XXYLT1: variants seen among roughly 807,000 people sequenced by gnomAD.
The protein encoded by XXYLT1 is UDP-xylose:alpha-xyloside alpha-1,3-xylosyltransferase.
A neutral mutation model predicts 28.9 loss-of-function variants in XXYLT1; 20 were observed. The observed-to-expected ratio is 0.69, with a 90% CI of 0.49 to 1.00. XXYLT1 has a LOEUF of 1.00. XXYLT1 is among the 50% of genes least tolerant of loss of function. The pLI is 0.00. For missense variants in XXYLT1, 542 were observed against 560.1 expected, an observed-to-expected ratio of 0.97 and a Z score of 0.33; for synonymous variants, 257 against 253.8, an observed-to-expected ratio of 1.01 and a Z score of -0.12.
chr3:195,143,231 T>C (rs1228531300), intron 3 of XXYLT1, among the ~76,000 whole-genome samples: 1 of 152,020 alleles, frequency 6.6e-6, no homozygotes, highest in Non-Finnish European at 1.5e-5. Context: ...ACTCTAGGGG[T>C]CAGTTCCCAA....
At chr3:195,178,566 CCATCAGCAGAGGCAGAGCTCCCTGGTTT>C (rs1329364501) in intron 2 of XXYLT1, among the ~76,000 whole-genome samples, 5 of 152,190 alleles carry the variant, frequency 3.3e-5, no homozygotes, top group African/African-American at 9.6e-5. Context: ...TGGCGCAGCT[CCATCAGCAGAGGCAGAGCTCCCTGGTTT>C]CACGCAGGGA....
chr3:195,151,412 C>A (rs1412916439), intron 3 of XXYLT1, among the ~76,000 whole-genome samples: 5 of 152,046 alleles, frequency 3.3e-5, no homozygotes, highest in Non-Finnish European at 1.5e-5. Context: ...TGCCTGCAGT[C>A]CCAGCTACTC....
chr3:195,089,463 G>C (rs1716008210), intron 3 of XXYLT1, among the ~76,000 whole-genome samples: 1 of 152,088 alleles, frequency 6.6e-6, no homozygotes, highest in South Asian at 2.1e-4. Flanking sequence ...ATACTTTACA[G>C]ACAAACAAAT....
intron 2 of XXYLT1, among the ~76,000 whole-genome samples, chr3:195,184,963 ATACAAATCAGAAGG>A (rs1288733239): frequency 2.0e-5 from 3 of 152,182 alleles, no homozygotes; most frequent in African/African-American, 7.2e-5. Flanking sequence ...TTTACAAACC[ATACAAATCAGAAGG>A]TAGAAGTCAG....
intron 2 of XXYLT1, among the ~76,000 whole-genome samples, chr3:195,196,052 G>A (rs1450966856): frequency 6.6e-6 from 1 of 152,178 alleles, no homozygotes. Context: ...CAATCACCCA[G>A]GAAGCAGCCA....
At chr3:195,125,947 G>T (rs1718597479) in intron 3 of XXYLT1, among the ~76,000 whole-genome samples, 1 of 151,770 alleles carries the variant, frequency 6.6e-6, no homozygotes, top group Non-Finnish European at 1.5e-5. Context: ...TCTTCCACAG[G>T]TTCACGATAC....
At chr3:195,226,951 A>G in intron 1 of XXYLT1, 95 bp from the exon 2 acceptor site, 1 of 1,463,248 alleles carries the variant, frequency 6.8e-7, no homozygotes, top group African/African-American at 1.4e-5. Flanking sequence ...AGGCAGAGGC[A>G]GACAGTGCCT....
chr3:195,086,068 GCA>G (rs1406829880), intron 3 of XXYLT1: 1 of 152,180 alleles, frequency 6.6e-6, no homozygotes, highest in African/African-American at 2.4e-5. Flanking sequence ...TACACACAGA[GCA>G]CACCTGGGCA....
At chr3:195,160,137 C>T (rs2108688987) in intron 2 of XXYLT1, among the ~76,000 whole-genome samples, 1 of 152,286 alleles carries the variant, frequency 6.6e-6, no homozygotes, top group Non-Finnish European at 1.5e-5. Flanking sequence ...TCTCCTTTCC[C>T]TTCTCCTATC....
In XXYLT1 at chr3:195,070,119, G is replaced by T. The variant is rs769025882; in HGVS notation, c.786-8C>A. ...AACTGCCAGAATGTGTGCCTGTGGA[G>T]AGAGAGGACAGAGTTAGTCCGGTGT... On this transcript the variant is annotated splice_polypyrimidine_tract_variant and splice_region_variant and intron_variant, in intron 3 of 3. Transcript: ENST00000310380. 1 of 1,548,766 alleles carries T rather than the reference G, an allele frequency of 6.5e-7. No individual in the cohort carries two copies. The highest frequency in any genetic ancestry group is 8.7e-7 in the Non-Finnish European group (1 of 1,154,742).
chr3:195,261,428 A>C (rs367733114), intron 1 of XXYLT1, among the ~76,000 whole-genome samples: 1 of 152,328 alleles, frequency 6.6e-6, no homozygotes, highest in South Asian at 2.1e-4. Flanking sequence ...GGGACACAGC[A>C]AGACTCCATC....
chr3:195,175,665 T>TG (rs1420081866), intron 2 of XXYLT1: 1 of 1,536,120 alleles, frequency 6.5e-7, no homozygotes, highest in African/African-American at 1.4e-5. Flanking sequence ...TGCAGCGAGG[T>TG]GGCCACATGA....
Position 195,256,883 on chromosome 3 carries a change from T to C in XXYLT1, c.504+13672A>G, listed in dbSNP as rs1560178875. Among the ~76,000 whole-genome samples the C allele has an allele frequency of 6.6e-6, 1 of 152,174 alleles. No individual in the cohort carries two copies. The highest frequency in any genetic ancestry group is 2.4e-5 in the African/African-American group (1 of 41,448). On this transcript the variant is annotated intron_variant, in intron 1 of 3. Transcript: ENST00000310380. The surrounding 1 kb of genome is among the most constrained non-coding windows in gnomAD (Gnocchi z 4.2). ...GGGCACTGCCTGCCAGCCGGGGCTC[T>C]AGGCAGACCAAGCAACCTTCCCAGG...
chr3:195,126,596 A>G (rs3897755), intron 3 of XXYLT1, among the ~76,000 whole-genome samples: 34,610 of 152,094 alleles, frequency 0.23, 4,568 homozygotes, highest in East Asian at 0.56. Context: ...GGGCATAAAG[A>G]CTTGACATTC....
chr3:195,147,710 G>A (rs978452872), intron 3 of XXYLT1, among the ~76,000 whole-genome samples: 3 of 152,244 alleles, frequency 2.0e-5, no homozygotes, highest in Admixed American at 6.5e-5. Flanking sequence ...CGGAGGAAAC[G>A]CCCTCTGACT....
At chr3:195,100,294 T>C (rs6800649) in intron 3 of XXYLT1, among the ~76,000 whole-genome samples, 22,419 of 152,114 alleles carry the variant, frequency 0.15, 3,726 homozygotes, top group African/African-American at 0.41. Flanking sequence ...ACACCTAGCA[T>C]GGGGTCCTAT....
chr3:195,166,816 G>A (rs1721146414), intron 2 of XXYLT1, among the ~76,000 whole-genome samples: 2 of 152,076 alleles, frequency 1.3e-5, no homozygotes, highest in Admixed American at 1.3e-4. Context: ...CAAGTAGCTG[G>A]GATTACAGGT....
rs1378932982 is a variant in XXYLT1 at position 195,133,880 on chromosome 3, A to G, written c.785+22569T>C. On this transcript the variant is annotated intron_variant, in intron 3 of 3. Transcript: ENST00000310380. The surrounding 1 kb of genome is among the most constrained non-coding windows in gnomAD (Gnocchi z 4.4). ...TTTTAAAAAATTAAAAACTTACAAA[A>G]TGGAAAAAAGCTTACAGAATAAGGA... 6.6e-6 allele frequency among the ~76,000 whole-genome samples: 1 copy of G among 152,218 alleles called. No homozygotes were observed. The highest frequency in any genetic ancestry group is 2.4e-5 in the African/African-American group (1 of 41,454).
In XXYLT1 at chr3:195,069,108, C is replaced by T. The variant is rs1227365790; in HGVS notation, c.*607G>A. The T allele has an allele frequency of 6.6e-6, 1 of 152,572 alleles. No homozygotes were observed. Among genetic ancestry groups the T allele is most frequent in the East Asian group, 1.9e-4 (1 of 5,188 alleles). The allele number at this position is 152,572 out of a possible 1,614,324, so 9.5% of individuals were successfully genotyped here. ...TTTTCTTATGCAGGCCCCAGTTGGTCCTGAAGTCCTTCCTCAAAGAGGCGA... is the reference window on the plus strand; with the variant it reads ...TTTTCTTATGCAGGCCCCAGTTGGTTCTGAAGTCCTTCCTCAAAGAGGCGA... On this transcript the variant is annotated 3_prime_UTR_variant, in exon 4 of 4. Coordinates refer to ENST00000310380, the MANE Select transcript of XXYLT1 (RefSeq NM_152531.5).
Sources: gnomAD v4.1 joint callset for allele counts (sites outside exome capture counted in the v4.1 genomes callset) on GRCh38, gnomAD v4.1.1 for gene constraint, Gnocchi (gnomAD v3.1) non-coding constraint, MANE v1.5 for transcripts, NCBI Gene and HGNC (gene_info 2026-07-23, HGNC 2026-07-21) for gene names.